Variants in ERC2 observed in about 807,000 individuals in gnomAD.
The protein encoded by ERC2 is ELKS/RAB6-interacting/CAST family member 2.
ERC2 carries 42 observed loss-of-function variants against 114.8 expected under a neutral mutation model. The observed-to-expected ratio is 0.37, with a 90% CI of 0.29 to 0.47. The LOEUF (loss-of-function observed/expected upper bound fraction) is 0.47, where lower values mean the gene tolerates loss of function less well. ERC2 is among the 20% of genes least tolerant of loss of function. The pLI is 0.99. For missense variants in ERC2, 939 were observed against 1,150.7 expected, an observed-to-expected ratio of 0.82 and a Z score of 2.66; for synonymous variants, 454 against 425.5, an observed-to-expected ratio of 1.07 and a Z score of -0.82.
chr3:55,687,982 A>G (rs1391368927), intron 16 of ERC2, among the ~76,000 whole-genome samples: 27 of 152,220 alleles, frequency 1.8e-4, no homozygotes. Flanking sequence ...TCTGGAGACC[A>G]TTCATTCTGT....
chr3:55,751,921 G>C (rs1432587682), intron 14 of ERC2, among the ~76,000 whole-genome samples: 1 of 152,188 alleles, frequency 6.6e-6, no homozygotes, highest in Non-Finnish European at 1.5e-5. Flanking sequence ...AGCAAAAAGA[G>C]GAAGTGTTAG....
intron 13 of ERC2, among the ~76,000 whole-genome samples, chr3:55,900,564 C>A (rs1269902888): frequency 1.3e-5 from 2 of 152,162 alleles, no homozygotes; most frequent in African/African-American, 4.8e-5. Context: ...CTGGAAGAGA[C>A]ACCTATTGAT....
At chr3:56,011,425 C>T (rs573974406) in intron 8 of ERC2, among the ~76,000 whole-genome samples, 31 of 152,192 alleles carry the variant, frequency 2.0e-4, no homozygotes, top group African/African-American at 6.7e-4. Flanking sequence ...AAACAGAACG[C>T]CTCCCACATC....
intron 8 of ERC2, among the ~76,000 whole-genome samples, chr3:56,016,912 T>C (rs1416395456): frequency 1.3e-5 from 2 of 152,102 alleles, no homozygotes; most frequent in Non-Finnish European, 1.5e-5. Flanking sequence ...TAGGAGATAA[T>C]GCTATTACTC....
chr3:56,277,379 A>T (rs2054073168), intron 3 of ERC2, among the ~76,000 whole-genome samples: 1 of 152,086 alleles, frequency 6.6e-6, no homozygotes, highest in Non-Finnish European at 1.5e-5. Context: ...TCTCTAGCCT[A>T]GTCTTCTGCC....
intron 7 of ERC2, among the ~76,000 whole-genome samples, chr3:56,056,096 T>C (rs1466806617): frequency 6.6e-6 from 1 of 152,230 alleles, no homozygotes; most frequent in Non-Finnish European, 1.5e-5. Flanking sequence ...TATGTAATAA[T>C]GTTTACTGAG....
chr3:55,531,245 A>C (rs1477995187), intron 17 of ERC2, among the ~76,000 whole-genome samples: 2 of 152,102 alleles, frequency 1.3e-5, no homozygotes, highest in African/African-American at 2.4e-5. Context: ...AGGAGCTGTA[A>C]TTCTCCAGAA....
intron 13 of ERC2, among the ~76,000 whole-genome samples, chr3:55,889,649 C>T (rs2063516802): frequency 6.6e-6 from 1 of 152,102 alleles, no homozygotes; most frequent in South Asian, 2.1e-4. Flanking sequence ...AATGCCATCC[C>T]TTGCACAGAT....
At chr3:56,267,187 T>C (rs2053366367) in intron 3 of ERC2, among the ~76,000 whole-genome samples, 1 of 152,202 alleles carries the variant, frequency 6.6e-6, no homozygotes, top group Non-Finnish European at 1.5e-5. Flanking sequence ...GTCAGCACTT[T>C]AAAAGTTTCA....
At chr3:56,375,054 C>T (rs1457016127) in intron 2 of ERC2, among the ~76,000 whole-genome samples, 1 of 152,136 alleles carries the variant, frequency 6.6e-6, no homozygotes. Context: ...TTCCTCAGTG[C>T]TTGCATCAAG....
intron 3 of ERC2, among the ~76,000 whole-genome samples, chr3:56,275,183 T>C (rs565648561): frequency 2.6e-5 from 4 of 152,286 alleles, no homozygotes; most frequent in Admixed American, 6.5e-5. Context: ...TTAAAGAAAG[T>C]AAATAATTCA....
intron 15 of ERC2, among the ~76,000 whole-genome samples, chr3:55,713,218 A>T (rs576596976): frequency 3.1e-4 from 46 of 150,688 alleles, no homozygotes; most frequent in Middle Eastern, 3.4e-3. Flanking sequence ...TTAAAAAAAA[A>T]TTTTTTTTTG....
At chr3:55,584,932 G>C in intron 17 of ERC2, among the ~76,000 whole-genome samples, 1 of 152,272 alleles carries the variant, frequency 6.6e-6, no homozygotes, top group South Asian at 2.1e-4. Context: ...AATGGACAAC[G>C]AGAACCAGAC....
At chr3:55,888,248 T>C (rs150872896) in intron 14 of ERC2, 141 bp downstream of exon 14, 23 of 999,042 alleles carry the variant, frequency 2.3e-5, no homozygotes, top group South Asian at 5.4e-5. Flanking sequence ...ATAAGAAACA[T>C]ACTTTCAGAA....
Position 56,097,598 on chromosome 3 carries a change from A to G in ERC2, c.1474-16614T>C, listed in dbSNP as rs1044428440. Among the ~76,000 whole-genome samples, 4 of 152,278 alleles carry G rather than the reference A, an allele frequency of 2.6e-5. No individual in the cohort carries two copies. The East Asian group carries it at 7.7e-4, about 29-fold the overall frequency. On this transcript the variant is annotated intron_variant, in intron 6 of 17. Transcript: ENST00000288221. ...TGGTTTCTTTGTTCATAGTCCTACA[A>G]TTTTATGAGAGAAATCATAACTTAA... is the stretch of plus-strand genomic sequence containing the variant.
At chr3:55,752,473 A>G (rs2066771948) in intron 14 of ERC2, among the ~76,000 whole-genome samples, 3 of 152,296 alleles carry the variant, frequency 2.0e-5, no homozygotes, top group South Asian at 2.1e-4. Flanking sequence ...CCAGCGCTCT[A>G]TTGGCCTGTT....
chr3:56,417,696 T>G (rs915604772), intron 2 of ERC2, among the ~76,000 whole-genome samples: 1 of 152,174 alleles, frequency 6.6e-6, no homozygotes, highest in Non-Finnish European at 1.5e-5. Context: ...ACCTAGGTAA[T>G]CCATCTCCAA....
At chr3:56,265,159 G>A (rs1441315965) in intron 3 of ERC2, among the ~76,000 whole-genome samples, 2 of 152,076 alleles carry the variant, frequency 1.3e-5, no homozygotes, top group Admixed American at 6.5e-5. Context: ...CAATCCTGAG[G>A]AAGAAAAATA....
chr3:56,367,524 C>T (rs889563843), intron 2 of ERC2, among the ~76,000 whole-genome samples: 1 of 152,034 alleles, frequency 6.6e-6, no homozygotes, highest in African/African-American at 2.4e-5. Flanking sequence ...CTCCTAAGGC[C>T]CCAAGATGCC....
Sources: allele counts gnomAD v4.1 joint callset (sites outside exome capture counted in the v4.1 genomes callset), GRCh38; gene constraint gnomAD v4.1.1; transcripts MANE v1.5; gene names NCBI Gene and HGNC (gene_info 2026-07-23, HGNC 2026-07-21).